SYT9: variants seen among roughly 807,000 people sequenced by gnomAD.
The protein encoded by SYT9 is synaptotagmin-9.
A neutral mutation model predicts 48.4 loss-of-function variants in SYT9; 22 were observed. The ratio of observed to expected loss-of-function variants is 0.45; its 90% confidence interval spans 0.32 to 0.65. The LOEUF (loss-of-function observed/expected upper bound fraction) is 0.65, where lower values mean the gene tolerates loss of function less well. Among genes scored for constraint, SYT9 ranks in the 30% least tolerant of loss-of-function variants. SYT9 has a pLI of 0.03. For missense variants in SYT9, 577 were observed against 622.0 expected, an observed-to-expected ratio of 0.93 and a Z score of 0.77; for synonymous variants, 265 against 245.0, an observed-to-expected ratio of 1.08 and a Z score of -0.76.
chr11:7,448,147 C>T (rs976936559), intron 6 of SYT9, among the ~76,000 whole-genome samples: 4 of 152,180 alleles, frequency 2.6e-5, no homozygotes, highest in East Asian at 1.9e-4. Context: ...CTCGGGGTCC[C>T]GTGAACTTTG....
chr11:7,429,187 G>T (rs1461661240), intron 6 of SYT9, among the ~76,000 whole-genome samples: 1 of 152,154 alleles, frequency 6.6e-6, no homozygotes, highest in East Asian at 1.9e-4. Flanking sequence ...TAGGGAGCCT[G>T]GCTCCATCCT....
At chr11:7,403,011 A>T (rs940261885) in intron 3 of SYT9, among the ~76,000 whole-genome samples, 54 of 151,968 alleles carry the variant, frequency 3.6e-4, no homozygotes, top group African/African-American at 1.2e-3. Flanking sequence ...TCTTTATCTT[A>T]TCTAATCTTA....
chr11:7,405,359 G>A (rs532307877), intron 3 of SYT9, among the ~76,000 whole-genome samples: 59 of 152,238 alleles, frequency 3.9e-4, no homozygotes, highest in African/African-American at 1.4e-3. Flanking sequence ...AGTGTCAAAT[G>A]TCTCGTTGGG....
At chr11:7,244,536 T>C (rs751230093) in intron 1 of SYT9, among the ~76,000 whole-genome samples, 1 of 152,238 alleles carries the variant, frequency 6.6e-6, no homozygotes, top group Non-Finnish European at 1.5e-5. Context: ...ATAAATTATG[T>C]ATACTTCAGG....
intron 3 of SYT9, among the ~76,000 whole-genome samples, chr11:7,338,299 C>A (rs1849661779): frequency 6.6e-6 from 1 of 152,120 alleles, no homozygotes; most frequent in East Asian, 1.9e-4. Flanking sequence ...TTTCAAAGAA[C>A]AAGCTCCTGG....
At chr11:7,459,279 T>C (rs1848201758) in intron 6 of SYT9, among the ~76,000 whole-genome samples, 1 of 152,162 alleles carries the variant, frequency 6.6e-6, no homozygotes, top group African/African-American at 2.4e-5. Flanking sequence ...AGCAGTTAGA[T>C]GCAGGAATCT....
chr11:7,390,451 A>C (rs1385933731), intron 3 of SYT9, among the ~76,000 whole-genome samples: 1 of 152,328 alleles, frequency 6.6e-6, no homozygotes, highest in African/African-American at 2.4e-5. Context: ...GGAAGGATAG[A>C]TGATGGTTTT....
At chr11:7,285,511 G>C (rs939239361) in intron 1 of SYT9, among the ~76,000 whole-genome samples, 1 of 152,112 alleles carries the variant, frequency 6.6e-6, no homozygotes, top group Non-Finnish European at 1.5e-5. Flanking sequence ...GATGAGATTT[G>C]GGTGGGGACA....
intron 3 of SYT9, among the ~76,000 whole-genome samples, chr11:7,344,641 G>A (rs1418465337): frequency 6.6e-6 from 1 of 152,084 alleles, no homozygotes; most frequent in Non-Finnish European, 1.5e-5. Context: ...CTATAAAGTT[G>A]TTCCAGCACC....
At chr11:7,328,948 C>G (rs1849483107) in intron 3 of SYT9, among the ~76,000 whole-genome samples, 1 of 152,164 alleles carries the variant, frequency 6.6e-6, no homozygotes, top group Non-Finnish European at 1.5e-5. Flanking sequence ...CAACCGCTCT[C>G]TATGTGTAAC....
rs181877410 is a variant in SYT9 at position 7,383,912 on chromosome 11, C to G, written c.1045-32130C>G. Among the ~76,000 whole-genome samples, 7 of 152,298 alleles carry G rather than the reference C, an allele frequency of 4.6e-5. No individual in the cohort carries two copies. The East Asian group carries it at 1.3e-3, about 29-fold the overall frequency. ...GGGTTAGACTTCTAACCTCAATTCC[C>G]TGTCTTCAGAAATACTTTCAGCTAC... On this transcript the variant is annotated intron_variant, in intron 3 of 6. Transcript: ENST00000318881.
chr11:7,451,982 A>G (rs12098972), intron 6 of SYT9, among the ~76,000 whole-genome samples: 172 of 152,266 alleles, frequency 1.1e-3, no homozygotes, highest in African/African-American at 3.8e-3. Context: ...AGAGATAGCT[A>G]GAAAATTAGT....
chr11:7,275,041 T>C (rs1168047429), intron 1 of SYT9, among the ~76,000 whole-genome samples: 1 of 151,854 alleles, frequency 6.6e-6, no homozygotes, highest in Non-Finnish European at 1.5e-5. Flanking sequence ...CCTGGCCTTG[T>C]AAAGTTTGGG....
At chr11:7,459,104 TGA>T (rs1383805080) in intron 6 of SYT9, among the ~76,000 whole-genome samples, 1 of 152,166 alleles carries the variant, frequency 6.6e-6, no homozygotes, top group Non-Finnish European at 1.5e-5. Context: ...CTGTAGGGTA[TGA>T]GAGAGAAAAG....
intron 3 of SYT9, among the ~76,000 whole-genome samples, chr11:7,360,197 C>T (rs774269610): frequency 2.1e-4 from 32 of 152,240 alleles, no homozygotes; most frequent in East Asian, 5.8e-4. Flanking sequence ...CTCTGTTCTG[C>T]TCCATTGATC....
At chr11:7,439,173 A>G (rs1436374788) in intron 6 of SYT9, 2 of 152,252 alleles carry the variant, frequency 1.3e-5, no homozygotes, top group East Asian at 1.9e-4. Flanking sequence ...GGAAGAAATT[A>G]TAGAAACTGG....
intron 6 of SYT9, chr11:7,434,896 T>A (rs1166883428): frequency 6.6e-6 from 1 of 152,224 alleles, no homozygotes; most frequent in Non-Finnish European, 1.5e-5. Context: ...GGACTGGGGC[T>A]AATGGCTCTT....
rs957501749 is a variant in SYT9 at position 7,356,923 on chromosome 11, G to C, written c.1044+42982G>C. Among the ~76,000 whole-genome samples the C allele has an allele frequency of 2.6e-5, 4 of 152,096 alleles. No homozygotes were observed. The East Asian group carries it at 7.7e-4, about 29-fold the overall frequency. ...GTTTCAGCTAGGAGAATGGTGGACC[G>C]TAAGCAAATGATTACACAGATTGTT... On this transcript the variant is annotated intron_variant, in intron 3 of 6. Coordinates refer to ENST00000318881, the MANE Select transcript of SYT9 (RefSeq NM_175733.4).
intron 3 of SYT9, among the ~76,000 whole-genome samples, chr11:7,393,513 G>A (rs137875772): frequency 5.3e-5 from 8 of 152,066 alleles, no homozygotes; most frequent in African/African-American, 1.7e-4. Context: ...CTGGTATTTT[G>A]TTGAGGATTT....
Sources: allele counts gnomAD v4.1 joint callset (sites outside exome capture counted in the v4.1 genomes callset), GRCh38; gene constraint gnomAD v4.1.1; transcripts MANE v1.5; gene names NCBI Gene and HGNC (gene_info 2026-07-23, HGNC 2026-07-21).